CDH4: variants seen among roughly 807,000 people sequenced by gnomAD.
CDH4 encodes the protein cadherin 4.
In CDH4, 33 loss-of-function variants were observed where a neutral mutation model predicts 86.0. The ratio of observed to expected loss-of-function variants is 0.38; its 90% CI spans 0.29 to 0.51. CDH4 has a LOEUF of 0.51. Among genes scored for constraint, CDH4 ranks in the 20% least tolerant of loss-of-function variants. CDH4 has a pLI of 0.86. For synonymous variants in CDH4, 555 were observed against 549.4 expected (o/e 1.01, Z -0.14); for missense variants, 1,114 against 1,307.4 (o/e 0.85, Z 2.28).
rs1980457001 is a variant in CDH4, at chr20:61,811,907, G to A, written c.577-32761G>A. On this transcript the variant is annotated intron_variant, in intron 4 of 15. Transcript: ENST00000614565. This position sits in a 1 kb window ranked among gnomAD's most constrained non-coding sequence, Gnocchi z 4.4. ...GGCTGGTCTCGAACTCCTGACCGCAGGTGATCCACCTACCTCGGCCTCCCA... is the reference window on the plus strand; with the variant it reads ...GGCTGGTCTCGAACTCCTGACCGCAAGTGATCCACCTACCTCGGCCTCCCA... Among the ~76,000 whole-genome samples, 1 of 152,020 alleles carries A rather than the reference G, an allele frequency of 6.6e-6. No homozygotes were observed. The highest frequency in any genetic ancestry group is 6.6e-5 in the Admixed American group (1 of 15,264).
chr20:61,417,520 G>A lies in CDH4; in HGVS notation c.169+162583G>A, dbSNP rs1249535928. ...GTTGGGAGTTGGGAATCGGGCCATCGGAACATCTCCCCTTCTGGGTTGATT... is the reference window on the plus strand; with the variant it reads ...GTTGGGAGTTGGGAATCGGGCCATCAGAACATCTCCCCTTCTGGGTTGATT... On this transcript the variant is annotated intron_variant, in intron 2 of 15. Transcript: ENST00000614565. The surrounding 1 kb of genome is among the most constrained non-coding windows in gnomAD (Gnocchi z 4.0). 6.6e-6 allele frequency among the ~76,000 whole-genome samples: 1 copy of A among 152,184 alleles called. No homozygotes were observed. The highest frequency in any genetic ancestry group is 2.1e-4 in the South Asian group (1 of 4,826).
intron 2 of CDH4, among the ~76,000 whole-genome samples, chr20:61,312,119 CAT>C (rs1369488968): frequency 8.5e-5 from 1 of 11,834 alleles, no homozygotes; most frequent in Non-Finnish European, 4.7e-4. Context: ...GTGGTGTGTG[CAT>C]GTGGGTGGTG....
intron 2 of CDH4, among the ~76,000 whole-genome samples, chr20:61,303,709 A>G (rs2084398049): frequency 6.6e-6 from 1 of 152,162 alleles, no homozygotes; most frequent in Non-Finnish European, 1.5e-5. Context: ...TCAGGGGAGC[A>G]GGGAGGAGGA....
In CDH4 at chr20:61,928,393, C is replaced by T. The variant is rs777193983; in HGVS notation, c.1975C>T (p.Arg659Trp). ...FELPFVPAAV[R>W]KNWTITRLNG... ...GCTGCCCTTTGTCCCGGCGGCCGTG[C>T]GGAAGAACTGGACCATCACCCGCCT... Residue 659 changes from arginine to tryptophan, a missense_variant, in exon 12 of 16, where the codon CGG becomes TGG. Transcript: ENST00000614565. 12 of 1,611,728 alleles carry T rather than the reference C, an allele frequency of 7.4e-6. No homozygotes were observed. Among genetic ancestry groups the T allele is most frequent in the Admixed American group, 6.7e-5 (4 of 60,002 alleles).
At chr20:61,543,861 G>C (rs1261315456) in intron 2 of CDH4, among the ~76,000 whole-genome samples, 1 of 152,220 alleles carries the variant, frequency 6.6e-6, no homozygotes, top group Non-Finnish European at 1.5e-5. Flanking sequence ...TGATGGAATG[G>C]AGCTGGCAGG....
At chr20:61,490,316 G>A (rs997961385) in intron 2 of CDH4, among the ~76,000 whole-genome samples, 25 of 152,194 alleles carry the variant, frequency 1.6e-4, no homozygotes, top group East Asian at 1.9e-4. Flanking sequence ...GCTGAGCCTT[G>A]AAAACACACG....
rs563597775 is a variant in CDH4 at position 61,760,170 on chromosome 20, G to A, written c.397-12833G>A. Among the ~76,000 whole-genome samples, 5 of 152,286 alleles carry A rather than the reference G, an allele frequency of 3.3e-5. No individual in the cohort carries two copies. In the East Asian group the frequency reaches 9.6e-4, roughly 29 times the overall value. On this transcript the variant is annotated intron_variant, in intron 3 of 15. Transcript: ENST00000614565. ...GGTGGGAGGCAAGGCTGAAGGGTAGGGGGAGGGGGTGGGTGGCTTTGAGAT... is the reference window on the plus strand; with the variant it reads ...GGTGGGAGGCAAGGCTGAAGGGTAGAGGGAGGGGGTGGGTGGCTTTGAGAT...
chr20:61,605,727 C>T (rs190685998), intron 2 of CDH4, among the ~76,000 whole-genome samples: 37 of 152,186 alleles, frequency 2.4e-4, no homozygotes, highest in Non-Finnish European at 4.6e-4. Context: ...TCTGTAACTC[C>T]TTTCCATGAA....
chr20:61,554,551 C>A (rs1232667025), intron 2 of CDH4, among the ~76,000 whole-genome samples: 1 of 152,198 alleles, frequency 6.6e-6, no homozygotes, highest in Non-Finnish European at 1.5e-5. Context: ...TGGAAAGGGC[C>A]CCAGCCATGG....
chr20:61,303,885 G>C (rs1230300667), intron 2 of CDH4, among the ~76,000 whole-genome samples: 1 of 152,150 alleles, frequency 6.6e-6, no homozygotes, highest in Non-Finnish European at 1.5e-5. Flanking sequence ...CGATGGGCAC[G>C]GTGCCATCCT....
At chr20:61,258,184 G>A (rs1057321768) in intron 2 of CDH4, among the ~76,000 whole-genome samples, 2 of 152,000 alleles carry the variant, frequency 1.3e-5, no homozygotes, top group East Asian at 1.9e-4. Context: ...AAAAAAATTA[G>A]CCGGGCGCGG....
intron 2 of CDH4, among the ~76,000 whole-genome samples, chr20:61,500,401 A>AT (rs1022487997): frequency 6.6e-6 from 1 of 152,232 alleles, no homozygotes. Context: ...GTAGTTGCTC[A>AT]TTACAATTCC....
rs1600807208 is a variant in CDH4 at position 61,252,660 on chromosome 20, G to A, written c.57+90G>A. 1.3e-6 allele frequency: 1 copy of A among 768,752 alleles called. No individual in the cohort carries two copies. Among genetic ancestry groups the A allele is most frequent in the Non-Finnish European group, 1.7e-6 (1 of 581,024 alleles). 47.6% of individuals were successfully genotyped at this position (768,752 alleles called of 1,614,324 possible). On this transcript the variant is annotated intron_variant, in intron 1 of 15. Coordinates refer to ENST00000614565, the MANE Select transcript of CDH4 (RefSeq NM_001794.5). This position sits in a 1 kb window ranked among gnomAD's most constrained non-coding sequence, Gnocchi z 4.4. Reference sequence around the variant, plus strand: ...CCCGCGGGGCGCTCACACACCCGGCGGGGCTCTCCCGGGCTCCCCCGCCGC... The same window carrying A: ...CCCGCGGGGCGCTCACACACCCGGCAGGGCTCTCCCGGGCTCCCCCGCCGC...
At chr20:61,590,856 C>G (rs1828609019) in intron 2 of CDH4, among the ~76,000 whole-genome samples, 1 of 137,390 alleles carries the variant, frequency 7.3e-6, no homozygotes, top group African/African-American at 2.7e-5. Context: ...CCTGCCAAAG[C>G]CTTGTCTTCC....
At chr20:61,297,145 G>A (rs1280174054) in intron 2 of CDH4, among the ~76,000 whole-genome samples, 1 of 152,198 alleles carries the variant, frequency 6.6e-6, no homozygotes, top group Non-Finnish European at 1.5e-5. Context: ...CAGCACTTTG[G>A]GAGGCCAAGG....
At chr20:61,404,141 C>T (rs1367998880) in intron 2 of CDH4, among the ~76,000 whole-genome samples, 2 of 53,914 alleles carry the variant, frequency 3.7e-5, no homozygotes, top group Non-Finnish European at 6.3e-5. Flanking sequence ...TGCAGCTGAG[C>T]TGCTACAGCC....
chr20:61,654,844 G>C (rs995312762), intron 2 of CDH4, among the ~76,000 whole-genome samples: 2 of 152,250 alleles, frequency 1.3e-5, no homozygotes, highest in African/African-American at 4.8e-5. Flanking sequence ...GCTGCAGCCC[G>C]GGAAGGGGCT....
intron 2 of CDH4, among the ~76,000 whole-genome samples, chr20:61,529,034 G>A (rs999408878): frequency 2.0e-5 from 3 of 152,098 alleles, no homozygotes; most frequent in Non-Finnish European, 2.9e-5. Flanking sequence ...GGAGTATTTC[G>A]TTCCTAATAA....
At chr20:61,370,398 C>T (rs1159749831) in intron 2 of CDH4, 1 of 152,266 alleles carries the variant, frequency 6.6e-6, no homozygotes, top group Non-Finnish European at 1.5e-5. Context: ...GGTCCCTGGG[C>T]ATGCAGGGGG....
Sources: gnomAD v4.1 joint callset for allele counts (sites outside exome capture counted in the v4.1 genomes callset) on GRCh38, gnomAD v4.1.1 for gene constraint, Gnocchi (gnomAD v3.1) non-coding constraint, MANE v1.5 for transcripts, NCBI Gene and HGNC (gene_info 2026-07-23, HGNC 2026-07-21) for gene names.